POGK: variants seen among roughly 807,000 people sequenced by gnomAD.
The protein encoded by POGK is pogo transposable element derived with KRAB domain, also known as pogo transposable element with KRAB domain.
POGK carries 16 observed loss-of-function variants against 54.4 expected under a neutral mutation model. The observed-to-expected ratio is 0.29, with a 90% CI of 0.20 to 0.45. The LOEUF is 0.45. POGK is among the 20% of genes least tolerant of loss of function. The probability of loss-of-function intolerance (pLI) is 1.00; values close to 1 mark genes in which losing one functional copy is unlikely to be tolerated. For synonymous variants in POGK, 271 were observed against 302.2 expected (o/e 0.90, Z 1.07); for missense variants, 515 against 795.6 (o/e 0.65, Z 4.24).
In POGK at chr1:166,849,866, T is replaced by A. The variant is rs148557556; in HGVS notation, c.1287T>A (p.Ser429Arg). ...ATATCCCCCCGGGGAAGTTTCCCAGTGGGATGGAAATTCGCTGCCACCGGT... is the reference window on the plus strand; with the variant it reads ...ATATCCCCCCGGGGAAGTTTCCCAGAGGGATGGAAATTCGCTGCCACCGGT... ...GTYIPPGKFP[S>R]GMEIRCHRYG... The change falls in exon 5 of 6, where the codon AGT becomes AGA. Residue 429 changes from serine (S) to arginine (R), a missense_variant. Physicochemically the swap from Ser to Arg is moderately radical, Grantham distance 110 (BLOSUM62 -1). This residue lies in a region of POGK where 461 missense variants were observed against 743.5 expected (regional missense o/e 0.62). Transcript: ENST00000367876. 4.4e-4 allele frequency: 707 copies of A among 1,614,084 alleles called. No individual in the cohort carries two copies. The highest frequency in any genetic ancestry group is 5.4e-4 in the Non-Finnish European group (640 of 1,180,040).
At chr1:166,846,817 C>T (rs965407454) in intron 3 of POGK, 79 bp downstream of exon 3, 3 of 1,551,896 alleles carry the variant, frequency 1.9e-6, no homozygotes, top group Non-Finnish European at 1.8e-6. Context: ...TCTGGTATAT[C>T]CAATGTCCCT....
At chr1:166,839,968 G>C (rs1407820333) in intron 1 of POGK, 1 of 152,322 alleles carries the variant, frequency 6.6e-6, no homozygotes, top group Admixed American at 6.5e-5. Context: ...ACCTTAGCGC[G>C]GGGAGGCGGC....
rs1241226386 is a variant in POGK at position 166,852,667 on chromosome 1, AG to A, written c.*100del. 6.6e-6 allele frequency: 1 copy of A among 152,274 alleles called. No homozygotes were observed. The highest frequency in any genetic ancestry group is 1.5e-5 in the Non-Finnish European group (1 of 68,054). 9.4% of individuals were successfully genotyped at this position (152,274 alleles called of 1,614,324 possible). On this transcript the variant is annotated 3_prime_UTR_variant, in exon 6 of 6. Coordinates refer to ENST00000367876, the MANE Select transcript of POGK (RefSeq NM_017542.5). ...GAAAGTGTGGATGCGCTGGATGCGC[AG>A]GGAACATCAGGAAAAGGCCACGGGG...
At chr1:166,842,989 AGGG>A (rs1271949597) in intron 2 of POGK, among the ~76,000 whole-genome samples, 2 of 152,240 alleles carry the variant, frequency 1.3e-5, no homozygotes, top group African/African-American at 4.8e-5. Context: ...GAATTATGTT[AGGG>A]TGATCAGTGA....
chr1:166,849,964 C>G lies in POGK; in HGVS notation c.1385C>G (p.Pro462Arg). Residue 462 changes from proline to arginine, a missense_variant, in exon 5 of 6, where the codon CCC (proline) becomes CGC (arginine). Pro to Arg is a moderately radical substitution (Grantham distance 103). Coordinates refer to ENST00000367876, the MANE Select transcript of POGK (RefSeq NM_017542.5). ...TGGAGACGGAGGACAGGAGCAGTGC[C>G]CAAGCAGCGAGGGATGCTGATCTTG... ...VVWRRRTGAVPKQRGMLILNG... is the reference protein window; with the variant it reads ...VVWRRRTGAVRKQRGMLILNG... 6.2e-7 allele frequency: 1 copy of G among 1,614,202 alleles called. No homozygotes were observed. Among genetic ancestry groups the G allele is most frequent in the Non-Finnish European group, 8.5e-7 (1 of 1,180,036 alleles).
At position 166,854,780 on chromosome 1, in the gene POGK, T is replaced by TATG. The variant is rs1658219431; in HGVS notation, c.*2215_*2217dup. 1.3e-5 allele frequency: 2 copies of TATG among 152,232 alleles called. No individual in the cohort carries two copies. Among genetic ancestry groups the TATG allele is most frequent in the African/African-American group, 2.4e-5 (1 of 41,456 alleles). 9.4% of individuals were successfully genotyped at this position (152,232 alleles called of 1,614,324 possible). A position where few individuals can be genotyped will look rare whatever the true frequency, so the allele number is the denominator to read the frequency against. ...AAGGGATCTGAATTTTAAATGAAAG[T>TATG]ATGATGAACCCGCAAGTCTTAATTA... On this transcript the variant is annotated 3_prime_UTR_variant, in exon 6 of 6. Transcript: ENST00000367876.
intron 2 of POGK, among the ~76,000 whole-genome samples, chr1:166,844,088 C>T (rs570191907): frequency 2.8e-4 from 42 of 152,330 alleles, no homozygotes; most frequent in Non-Finnish European, 5.9e-4. Flanking sequence ...GTCTAAGCCA[C>T]TACACTGTGC....
intron 1 of POGK, 119 bp from the exon 2 acceptor site, chr1:166,840,836 T>A: frequency 7.8e-7 from 1 of 1,288,946 alleles, no homozygotes; most frequent in Non-Finnish European, 1.1e-6. Flanking sequence ...CTTACTTCCC[T>A]CCAGCGGGAA....
At chr1:166,850,812 G>A (rs188475935) in intron 5 of POGK, 169 of 161,128 alleles carry the variant, frequency 1.0e-3, no homozygotes, top group African/African-American at 3.8e-3. Context: ...CCACTACCCC[G>A]CACTTCCTGG....
At chr1:166,841,174 G>T (rs143493384) in intron 2 of POGK, 86 bp downstream of exon 2, 4 of 1,537,408 alleles carry the variant, frequency 2.6e-6, no homozygotes, top group African/African-American at 1.4e-5. Context: ...TCAGACAGAC[G>T]TGGGAAGTAA....
At position 166,849,073 on chromosome 1, in the gene POGK, G is replaced by A. The variant is rs143520580; in HGVS notation, c.494G>A (p.Ser165Asn). The A allele has an allele frequency of 1.7e-5, 27 of 1,614,072 alleles. No individual in the cohort carries two copies. Among genetic ancestry groups the A allele is most frequent in the East Asian group, 2.2e-5 (1 of 44,876 alleles). Residue 165 changes from serine to asparagine, a missense_variant, in exon 5 of 6, where the codon AGT (serine) becomes AAT (asparagine). Physicochemically the swap from Ser to Asn is conservative, Grantham distance 46. This residue lies in a region of POGK where 461 missense variants were observed against 743.5 expected (regional missense o/e 0.62). Coordinates refer to ENST00000367876, the MANE Select transcript of POGK (RefSeq NM_017542.5). ...GATATCACAGAGCTGCCCGAGTGGA[G>A]TGAGGGGTACCCCTTCTACATGGCC... ...PRDITELPEW[S>N]EGYPFYMAMG...
In POGK at chr1:166,849,559, T is replaced by C; in HGVS notation, c.980T>C (p.Val327Ala). 1 of 1,614,274 alleles carries C rather than the reference T, an allele frequency of 6.2e-7. No homozygotes were observed. Among genetic ancestry groups the C allele is most frequent in the African/African-American group, 1.3e-5 (1 of 75,076 alleles). ...CTGTCTCTGAGGCATAAAGTGCCCG[T>C]GCCCCAGCACCTGCCGGAAGACCTG... Reference protein sequence around the residue: ...YDLSLRHKVPVPQHLPEDLTE... With the variant: ...YDLSLRHKVPAPQHLPEDLTE... Residue 327 changes from valine to alanine, a missense_variant, in exon 5 of 6, where the codon GTG becomes GCG. By Grantham distance (64) the Val-to-Ala change is moderately conservative (BLOSUM62 0). This residue lies in a region of POGK where 461 missense variants were observed against 743.5 expected (regional missense o/e 0.62). Coordinates refer to ENST00000367876, the MANE Select transcript of POGK (RefSeq NM_017542.5).
intron 2 of POGK, among the ~76,000 whole-genome samples, chr1:166,843,336 G>A (rs962326827): frequency 2.6e-5 from 4 of 152,232 alleles, no homozygotes; most frequent in African/African-American, 7.2e-5. Context: ...CTACGCCAGC[G>A]AGTTTGAGCT....
At position 166,855,626 on chromosome 1, in the gene POGK, G is replaced by A. The variant is rs1241303732; in HGVS notation, c.*3056G>A. On this transcript the variant is annotated 3_prime_UTR_variant, in exon 6 of 6. Coordinates refer to ENST00000367876, the MANE Select transcript of POGK (RefSeq NM_017542.5). ...ACCTGAAATACATGAGGCAAAGGCA[G>A]TCTTCCAGCATTCTATGGTCCCACC... is the stretch of plus-strand genomic sequence containing the variant. The A allele has an allele frequency of 6.6e-6, 1 of 152,246 alleles. No individual in the cohort carries two copies. Among genetic ancestry groups the A allele is most frequent in the African/African-American group, 2.4e-5 (1 of 41,446 alleles). The allele number at this position is 152,246 out of a possible 1,614,324, so 9.4% of individuals were successfully genotyped here.
intron 2 of POGK, among the ~76,000 whole-genome samples, chr1:166,845,107 T>C (rs1571222608): frequency 6.6e-6 from 1 of 152,142 alleles, no homozygotes; most frequent in African/African-American, 2.4e-5. Context: ...TGCTGGATCC[T>C]TGGGGTCAGG....
At chr1:166,846,818 C>A in intron 3 of POGK, 80 bp downstream of exon 3, 1 of 1,547,120 alleles carries the variant, frequency 6.5e-7, no homozygotes, top group Non-Finnish European at 8.9e-7. Context: ...CTGGTATATC[C>A]AATGTCCCTC....
chr1:166,849,824 C>T lies in POGK; in HGVS notation c.1245C>T (p.Ile415=). The T allele has an allele frequency of 6.2e-7, 1 of 1,614,276 alleles. No homozygotes were observed. The highest frequency in any genetic ancestry group is 8.5e-7 in the Non-Finnish European group (1 of 1,180,050). The change falls in exon 5 of 6, where the codon ATC becomes ATT. Residue 415 remains isoleucine (I), a synonymous_variant. Transcript: ENST00000367876. ...LADGRKLPPY[I]ILRGTYIPPG... Reference sequence around the variant, plus strand: ...ATGGGAGGAAGTTACCACCGTACATCATTTTGAGGGGAACATATATCCCCC... The same window carrying T: ...ATGGGAGGAAGTTACCACCGTACATTATTTTGAGGGGAACATATATCCCCC...
chr1:166,846,552 T>C, intron 2 of POGK, 60 bp from the exon 3 acceptor site: 1 of 1,607,194 alleles, frequency 6.2e-7, no homozygotes, highest in Non-Finnish European at 8.5e-7. Context: ...TCCTGTCCGC[T>C]CTGAAAGTCT....
At position 166,841,045 on chromosome 1, in the gene POGK, C is replaced by G. The variant is rs1292441422; in HGVS notation, c.89C>G (p.Pro30Arg). 3 of 1,613,794 alleles carry G rather than the reference C, an allele frequency of 1.9e-6. No homozygotes were observed. Among genetic ancestry groups the G allele is most frequent in the Non-Finnish European group, 2.5e-6 (3 of 1,179,986 alleles). The change falls in exon 2 of 6, where the codon CCG becomes CGG. Residue 30 changes from proline (P) to arginine (R), a missense_variant. By Grantham distance (103) the Pro-to-Arg change is moderately radical. Around this residue, in one of 2 missense-constraint regions of POGK, gnomAD observed 54 missense variants for 52.0 expected, o/e 1.04. Transcript: ENST00000367876. ...CAGAGCCGGGAACTAGAGGACGGCC[C>G]GGCAGACATGCAGAAAGTACGAATC... is the stretch of plus-strand genomic sequence containing the variant. ...EIQSRELEDG[P>R]ADMQKVRICS...
Sources: allele counts gnomAD v4.1 joint callset (sites outside exome capture counted in the v4.1 genomes callset), GRCh38; gene constraint gnomAD v4.1.1; regional missense constraint gnomAD v4.1.1; transcripts MANE v1.5; gene names NCBI Gene and HGNC (gene_info 2026-07-23, HGNC 2026-07-21).